The following ANKZF1 variants were observed in gnomAD, a reference collection of about 807,000 sequenced individuals.
ANKZF1 encodes ankyrin repeat and zinc finger peptidyl tRNA hydrolase 1, also known as tRNA endonuclease ANKZF1.
Under a neutral mutation model 86.0 loss-of-function variants are expected in ANKZF1, and 84 were observed. The observed-to-expected ratio is 0.98, with a 90% CI of 0.82 to 1.17. The LOEUF (loss-of-function observed/expected upper bound fraction) is 1.17. Among genes scored for constraint, ANKZF1 ranks in the 50% most tolerant of loss-of-function variants. ANKZF1 has a pLI of 0.00. For synonymous variants in ANKZF1, 331 were observed against 354.2 expected, an observed-to-expected ratio of 0.93 and a Z score of 0.74; for missense variants, 893 against 918.4, an observed-to-expected ratio of 0.97 and a Z score of 0.36.
intron 5 of ANKZF1, 22 bp from the exon 6 acceptor site, chr2:219,233,057 C>G: frequency 1.2e-6 from 2 of 1,605,884 alleles, no homozygotes; most frequent in Non-Finnish European, 1.7e-6. Flanking sequence ...AGATATGTTT[C>G]TGATGCTTCT....
In ANKZF1 at chr2:219,234,188, A is replaced by G; in HGVS notation, c.1104A>G (p.Thr368=). The change falls in exon 9 of 14, where the codon ACA becomes ACG. Residue 368 remains threonine (T), a synonymous_variant. Coordinates refer to ENST00000323348, the MANE Select transcript of ANKZF1 (RefSeq NM_018089.3). The stretch of plus-strand genomic sequence containing the variant: ...ACTCACCTCAGACACACTGGAAAAC[A>G]GTAAGAGAGGAGAGAAAGAAGCCTA... ...RLHSPQTHWK[T]VREERKKPTE... The G allele has an allele frequency of 6.2e-7, 1 of 1,614,150 alleles. No homozygotes were observed. Among genetic ancestry groups the G allele is most frequent in the Non-Finnish European group, 8.5e-7 (1 of 1,180,024 alleles).
intron 13 of ANKZF1, 87 bp from the exon 14 acceptor site, chr2:219,236,235 C>T (rs1951226312): frequency 6.2e-7 from 1 of 1,607,636 alleles, no homozygotes; most frequent in Non-Finnish European, 8.5e-7. Flanking sequence ...GCAGTGAAAA[C>T]AGAAATGGCA....
At chr2:219,232,465 T>A in intron 4 of ANKZF1, 25 bp from the exon 5 acceptor site, 1 of 1,612,670 alleles carries the variant, frequency 6.2e-7, no homozygotes, top group Non-Finnish European at 8.5e-7. Flanking sequence ...ACCAAACTTG[T>A]GTATCTCATA....
At chr2:219,235,437 G>T (rs760336758) in intron 10 of ANKZF1, 37 bp from the exon 11 acceptor site, 2 of 1,610,392 alleles carry the variant, frequency 1.2e-6, no homozygotes. Flanking sequence ...AAAGGCAGGA[G>T]GCAAGTTAAA....
In ANKZF1 at chr2:219,230,383, G is replaced by C; in HGVS notation, c.126G>C (p.Arg42=). ...VSHAPGEALA[R]APRTSCSGSG... ...ACGCGCCTGGGGAGGCTCTGGCCCGGGCTCCGCGTACTTCCTGTTCAGGTA... is the reference window on the plus strand; with the variant it reads ...ACGCGCCTGGGGAGGCTCTGGCCCGCGCTCCGCGTACTTCCTGTTCAGGTA... Residue 42 remains arginine, a synonymous_variant, in exon 2 of 14, where the codon CGG becomes CGC. Transcript: ENST00000323348. 1 of 1,611,520 alleles carries C rather than the reference G, an allele frequency of 6.2e-7. No homozygotes were observed. The highest frequency in any genetic ancestry group is 1.3e-5 in the African/African-American group (1 of 74,998).
rs751344224 is a variant in ANKZF1, at chr2:219,235,179, G to A, written c.1558G>A (p.Asp520Asn). Residue 520 changes from aspartate to asparagine, a missense_variant, in exon 10 of 14, where the codon GAC becomes AAC. By Grantham distance (23) the Asp-to-Asn change is conservative (BLOSUM62 1). Transcript: ENST00000323348. The part of the protein sequence containing the change: ...LKLQLAPSPA[D>N]PRVLSLLSAP... ...GCTGCAGCTAGCTCCCAGCCCTGCA[G>A]ACCCTAGAGTTCTGTCTCTGCTCAG... is the stretch of plus-strand genomic sequence containing the variant. The A allele has an allele frequency of 6.2e-7, 1 of 1,614,126 alleles. No homozygotes were observed. Among genetic ancestry groups the A allele is most frequent in the Non-Finnish European group, 8.5e-7 (1 of 1,180,018 alleles).
chr2:219,236,007 CAG>C lies in ANKZF1; in HGVS notation c.1974_1975del, dbSNP rs1392032226. The C allele has an allele frequency of 6.2e-7, 1 of 1,614,124 alleles. No individual in the cohort carries two copies. Among genetic ancestry groups the C allele is most frequent in the African/African-American group, 1.3e-5 (1 of 74,950 alleles). ...TGTCCTTAACACAACTTGTCTCCCTCAGAGAGCTCTGGCTGCAGAGCGCCGAC... is the reference window on the plus strand; with the variant it reads ...TGTCCTTAACACAACTTGTCTCCCTCAGAGCTCTGGCTGCAGAGCGCCGAC... On this transcript the variant is annotated splice_acceptor_variant, in intron 12 of 13. Coordinates refer to ENST00000323348, the MANE Select transcript of ANKZF1 (RefSeq NM_018089.3). LOFTEE classifies it high-confidence loss of function.
In ANKZF1 at chr2:219,235,102, T is replaced by G. The variant is rs765206323; in HGVS notation, c.1481T>G (p.Leu494Arg). 1.2e-6 allele frequency: 2 copies of G among 1,614,152 alleles called. No homozygotes were observed. The highest frequency in any genetic ancestry group is 2.2e-5 in the South Asian group (2 of 91,078). Residue 494 changes from leucine to arginine, a missense_variant, in exon 10 of 14, where the codon CTC becomes CGC. By Grantham distance (102) the Leu-to-Arg change is moderately radical. Transcript: ENST00000323348. ...GCCAAAGCCCCTGGTCAGCCAGAGCTCTGGAATGCACTGCTTGCTGCTTGC... is the reference window on the plus strand; with the variant it reads ...GCCAAAGCCCCTGGTCAGCCAGAGCGCTGGAATGCACTGCTTGCTGCTTGC... ...DEAKAPGQPELWNALLAACRA... is the reference protein window; with the variant it reads ...DEAKAPGQPERWNALLAACRA...
Position 219,236,456 on chromosome 2 carries a change from C to T in ANKZF1, c.*11C>T, listed in dbSNP as rs1309151066. The T allele has an allele frequency of 1.3e-6, 2 of 1,573,816 alleles. No individual in the cohort carries two copies. Among genetic ancestry groups the T allele is most frequent in the Non-Finnish European group, 8.6e-7 (1 of 1,159,746 alleles). ...AGGCCCTCTTCCTGATCTCTTACAG[C>T]TCTACCTGGGGCCAACTCAGGGACC... On this transcript the variant is annotated 3_prime_UTR_variant, in exon 14 of 14. Transcript: ENST00000323348.
rs1300549023 is a variant in ANKZF1, at chr2:219,233,743, G to A, written c.848G>A (p.Ser283Asn). The part of the protein sequence containing the change: ...KDVRDLLAGP[S>N]WAKALEEAGT... The stretch of plus-strand genomic sequence containing the variant: ...GTTCGTGACCTGCTGGCAGGGCCAA[G>A]CTGGGCTAAGGCGCTGGAGGAGGCT... Residue 283 changes from serine to asparagine, a missense_variant, in exon 8 of 14, where the codon AGC becomes AAC. Ser to Asn is a conservative substitution (Grantham distance 46, BLOSUM62 1). Transcript: ENST00000323348. 6.2e-7 allele frequency: 1 copy of A among 1,613,644 alleles called. No homozygotes were observed. Among genetic ancestry groups the A allele is most frequent in the Admixed American group, 1.7e-5 (1 of 59,940 alleles).
Position 219,236,632 on chromosome 2 carries a change from C to T in ANKZF1, c.*187C>T, listed in dbSNP as rs1004418024. The T allele has an allele frequency of 5.1e-6, 4 of 791,746 alleles. No homozygotes were observed. Among genetic ancestry groups the T allele is most frequent in the Non-Finnish European group, 7.6e-6 (4 of 527,844 alleles). 49.0% of individuals were successfully genotyped at this position (791,746 alleles called of 1,614,324 possible). ...GGTACTGTCTCTGGAATTTTAATCA[C>T]AATAAAGTTTGGCAAGGAATGTGTA... is the stretch of plus-strand genomic sequence containing the variant. On this transcript the variant is annotated 3_prime_UTR_variant, in exon 14 of 14. Transcript: ENST00000323348.
In ANKZF1 at chr2:219,232,556, T is replaced by C; in HGVS notation, c.431T>C (p.Leu144Pro). The change falls in exon 5 of 14, where the codon CTG becomes CCG. Residue 144 changes from leucine to proline, a missense_variant. Leu to Pro is a moderately conservative substitution (Grantham distance 98). Transcript: ENST00000323348. Reference protein sequence around the residue: ...DSASEEDLQTLDRERATFEKL... With the variant: ...DSASEEDLQTPDRERATFEKL... ...GCCAGTGAGGAGGACTTGCAGACAC[T>C]GGATCGGGAGAGGGCTACATTTGAG... is the stretch of plus-strand genomic sequence containing the variant. The C allele has an allele frequency of 6.2e-7, 1 of 1,614,206 alleles. No individual in the cohort carries two copies. Among genetic ancestry groups the C allele is most frequent in the Middle Eastern group, 1.6e-4 (1 of 6,062 alleles).
Position 219,234,936 on chromosome 2 carries a change from A to T in ANKZF1, c.1315A>T (p.Arg439Ter). ...TGAAGTATTGCCCAAGCGGAGGAGGAGAAAAAGGAATAAGAAGGAGAAAAG... is the reference window on the plus strand; with the variant it reads ...TGAAGTATTGCCCAAGCGGAGGAGGTGAAAAAGGAATAAGAAGGAGAAAAG... The part of the protein sequence containing the change: ...ESEVLPKRRR[R>*]KRNKKEKSRD... Residue 439 changes from arginine to a stop codon, truncating the protein, a stop_gained, in exon 10 of 14, where the codon AGA becomes TGA. Coordinates refer to ENST00000323348, the MANE Select transcript of ANKZF1 (RefSeq NM_018089.3). LOFTEE classifies it high-confidence loss of function. 2.5e-6 allele frequency: 4 copies of T among 1,613,960 alleles called. No individual in the cohort carries two copies. The highest frequency in any genetic ancestry group is 3.4e-6 in the Non-Finnish European group (4 of 1,180,018).
chr2:219,232,212 G>A, intron 3 of ANKZF1, 48 bp from the exon 4 acceptor site: 1 of 1,587,270 alleles, frequency 6.3e-7, no homozygotes, highest in East Asian at 2.2e-5. Flanking sequence ...TACAAGGCCA[G>A]GCTGGGGCAT....
intron 2 of ANKZF1, 135 bp from the exon 3 acceptor site, chr2:219,231,793 G>A (rs1951045150): frequency 1.4e-6 from 1 of 695,190 alleles, no homozygotes; most frequent in Admixed American, 2.4e-5. Context: ...CTATTAGAGT[G>A]TAAATTCCTT....
rs1951196026 is a variant in ANKZF1 at position 219,235,707 on chromosome 2, G to A, written c.1804-1G>A. The stretch of plus-strand genomic sequence containing the variant: ...AGGGTCTTATATTTGAAATCCTCCA[G>A]GTGCCAGGACCATTGACACCAGAAA... On this transcript the variant is annotated splice_acceptor_variant, in intron 11 of 13. Coordinates refer to ENST00000323348, the MANE Select transcript of ANKZF1 (RefSeq NM_018089.3). LOFTEE classifies it high-confidence loss of function. 6.2e-7 allele frequency: 1 copy of A among 1,613,898 alleles called. No individual in the cohort carries two copies. The highest frequency in any genetic ancestry group is 8.5e-7 in the Non-Finnish European group (1 of 1,179,852).
intron 2 of ANKZF1, 30 bp from the exon 3 acceptor site, chr2:219,231,898 T>C (rs1279777935): frequency 6.3e-7 from 1 of 1,589,656 alleles, no homozygotes; most frequent in Non-Finnish European, 8.6e-7. Context: ...GGGCTCCCTT[T>C]CTATGTCCAA....
Position 219,233,785 on chromosome 2 carries a change from G to A in ANKZF1, c.890G>A (p.Arg297His), listed in dbSNP as rs574593481. The change falls in exon 8 of 14, where the codon CGT becomes CAT. Residue 297 changes from arginine (R) to histidine (H), a missense_variant. Physicochemically the swap from Arg to His is conservative, Grantham distance 29. Coordinates refer to ENST00000323348, the MANE Select transcript of ANKZF1 (RefSeq NM_018089.3). ...ALEEAGTILLRAPRSGRSLFF... is the reference protein window; with the variant it reads ...ALEEAGTILLHAPRSGRSLFF... ...GAGGAGGCTGGTACAATACTGTTGCGTGCTCCCCGCTCTGGCCGGTCTTTG... is the reference window on the plus strand; with the variant it reads ...GAGGAGGCTGGTACAATACTGTTGCATGCTCCCCGCTCTGGCCGGTCTTTG... 93 of 1,614,090 alleles carry A rather than the reference G, an allele frequency of 5.8e-5. 2 individuals are homozygous for A. The highest frequency in any genetic ancestry group is 4.7e-4 in the African/African-American group (35 of 75,064).
At chr2:219,234,596 C>A in intron 9 of ANKZF1, 3 of 671,626 alleles carry the variant, frequency 4.5e-6, no homozygotes, top group Non-Finnish European at 7.4e-6. Context: ...ATGCTTTCCT[C>A]TATTGTGCGG....
Sources: gnomAD v4.1 joint callset for allele counts on GRCh38, gnomAD v4.1.1 for gene constraint, MANE v1.5 for transcripts, NCBI Gene and HGNC (gene_info 2026-07-23, HGNC 2026-07-21) for gene names.